The following BLM variants were observed in gnomAD, a reference collection of about 807,000 sequenced individuals.
BLM encodes the protein recQ-like DNA helicase BLM.
A neutral mutation model predicts 135.3 loss-of-function variants in BLM; 95 were observed. The ratio of observed to expected loss-of-function variants is 0.70; its 90% CI spans 0.59 to 0.83. The LOEUF (loss-of-function observed/expected upper bound fraction) is 0.83, where lower values mean the gene tolerates loss of function less well. BLM is among the 40% of genes least tolerant of loss of function. The pLI is 0.00. For missense variants in BLM, 1,518 were observed against 1,663.9 expected, an observed-to-expected ratio of 0.91 and a Z score of 1.53; for synonymous variants, 520 against 589.2, an observed-to-expected ratio of 0.88 and a Z score of 1.70.
chr15:90,803,580 C>T lies in BLM; in HGVS notation c.3418C>T (p.His1140Tyr), dbSNP rs746602812. ...TGGAAAAGGATCTGCTTATTCACGACACAATGCCGAAAGACTTTTTAAAAA... is the reference window on the plus strand; with the variant it reads ...TGGAAAAGGATCTGCTTATTCACGATACAATGCCGAAAGACTTTTTAAAAA... ...IFGKGSAYSR[H>Y]NAERLFKKLI... Residue 1140 changes from histidine (H) to tyrosine (Y), a missense_variant, in exon 18 of 22, where the codon CAC (histidine) becomes TAC (tyrosine). Physicochemically the swap from His to Tyr is moderately conservative, Grantham distance 83. Transcript: ENST00000355112. 4 of 1,613,944 alleles carry T rather than the reference C, an allele frequency of 2.5e-6. No individual in the cohort carries two copies. Among genetic ancestry groups the T allele is most frequent in the Admixed American group, 1.7e-5 (1 of 60,014 alleles).
At chr15:90,737,242 A>T (rs958939243) in intron 1 of BLM, among the ~76,000 whole-genome samples, 2 of 152,112 alleles carry the variant, frequency 1.3e-5, no homozygotes, top group African/African-American at 4.8e-5. Context: ...TTCAGATTGA[A>T]TAAATGAATA....
intron 15 of BLM, among the ~76,000 whole-genome samples, chr15:90,791,644 T>C (rs1036614977): frequency 1.4e-5 from 2 of 140,788 alleles, no homozygotes; most frequent in African/African-American, 6.0e-5. Flanking sequence ...TTATATAAGA[T>C]TTTTTTTTTT....
intron 5 of BLM, 143 bp from the exon 6 acceptor site, chr15:90,760,004 G>C: frequency 1.5e-6 from 1 of 682,042 alleles, no homozygotes; most frequent in Non-Finnish European, 2.5e-6. Flanking sequence ...TGCCCAGGCT[G>C]GTCTTGAACT....
chr15:90,742,209 A>G (rs1467925991), intron 1 of BLM, among the ~76,000 whole-genome samples: 2 of 152,164 alleles, frequency 1.3e-5, no homozygotes, highest in Admixed American at 6.5e-5. Context: ...AAAAAATACA[A>G]AAAGTAGATT....
chr15:90,737,699 T>C (rs191237792), intron 1 of BLM, among the ~76,000 whole-genome samples: 14 of 152,220 alleles, frequency 9.2e-5, no homozygotes, highest in Non-Finnish European at 1.5e-4. Flanking sequence ...AATTTATAGC[T>C]ACAAATGCTT....
At chr15:90,808,728 T>A (rs1897337707) in intron 19 of BLM, 1 of 309,608 alleles carries the variant, frequency 3.2e-6, no homozygotes, top group Non-Finnish European at 6.3e-6. Flanking sequence ...AAGTCTGGAG[T>A]GCAGAGAAGA....
intron 1 of BLM, among the ~76,000 whole-genome samples, chr15:90,743,086 C>T (rs1272587387): frequency 4.0e-5 from 6 of 151,326 alleles, no homozygotes; most frequent in African/African-American, 1.5e-4. Context: ...GCCTCGAACT[C>T]CTGGGCTCAA....
intron 15 of BLM, among the ~76,000 whole-genome samples, chr15:90,792,094 CTTTT>C (rs796474506): frequency 7.4e-6 from 1 of 134,510 alleles, no homozygotes. Flanking sequence ...TTTTTTTTTT[CTTTT>C]TTTTTTTTTT....
intron 14 of BLM, among the ~76,000 whole-genome samples, chr15:90,786,554 G>A (rs1896754004): frequency 6.6e-6 from 1 of 152,050 alleles, no homozygotes; most frequent in Non-Finnish European, 1.5e-5. Flanking sequence ...CTTTTTTAAT[G>A]TATTCATCCT....
intron 14 of BLM, among the ~76,000 whole-genome samples, chr15:90,789,987 G>GTTTTTTTTTTGTTTTTTTTTTTTTTTTT (rs1896857678): frequency 1.7e-5 from 1 of 57,358 alleles, no homozygotes; most frequent in African/African-American, 5.3e-5. Context: ...AGTCCCTGGT[G>GTTTTTTTTTTGTTTTTTTTTTTTTTTTT]TTTTTTTTTT....
At chr15:90,735,979 TAA>T (rs1444060354) in intron 1 of BLM, among the ~76,000 whole-genome samples, 1 of 152,230 alleles carries the variant, frequency 6.6e-6, no homozygotes, top group Admixed American at 6.5e-5. Flanking sequence ...TACAATTTTT[TAA>T]AAAGATTCAA....
At chr15:90,814,011 A>G (rs567409378) in intron 21 of BLM, among the ~76,000 whole-genome samples, 2 of 152,324 alleles carry the variant, frequency 1.3e-5, no homozygotes, top group South Asian at 4.1e-4. Flanking sequence ...AATCAACATA[A>G]ACAGCAGGTT....
intron 1 of BLM, among the ~76,000 whole-genome samples, chr15:90,737,727 T>A (rs1335593076): frequency 6.6e-6 from 1 of 151,620 alleles, no homozygotes; most frequent in African/African-American, 2.4e-5. Flanking sequence ...AAAAGAAAGA[T>A]CTGAAATCAA....
intron 1 of BLM, 32 bp from the exon 2 acceptor site, chr15:90,747,357 C>T: frequency 2.0e-6 from 3 of 1,491,260 alleles, no homozygotes; most frequent in South Asian, 2.3e-5. Context: ...AAGTACCTAA[C>T]TCCACTGATT....
At chr15:90,754,237 T>A (rs928563647) in intron 4 of BLM, among the ~76,000 whole-genome samples, 1 of 152,220 alleles carries the variant, frequency 6.6e-6, no homozygotes, top group African/African-American at 2.4e-5. Flanking sequence ...TGTAAAGTAT[T>A]TTTTCTATGT....
Position 90,763,017 on chromosome 15 carries a change from A to G in BLM, c.1934A>G (p.Gln645Arg), listed in dbSNP as rs377563699. The change falls in exon 8 of 22, where the codon CAA becomes CGA. Residue 645 changes from glutamine to arginine, a missense_variant. Physicochemically the swap from Gln to Arg is conservative, Grantham distance 43. This residue lies in a region of BLM where 724 missense variants were observed against 756.9 expected (regional missense o/e 0.96). Coordinates refer to ENST00000355112, the MANE Select transcript of BLM (RefSeq NM_000057.4). ...ASRNLKHERF[Q>R]SLSFPHTKEM... The stretch of plus-strand genomic sequence containing the variant: ...AGAAATCTGAAACATGAGCGTTTCC[A>G]AAGTCTTAGTTTTCCTCATACAAAG... 2.9e-5 allele frequency: 47 copies of G among 1,613,488 alleles called. No homozygotes were observed. The African/African-American group carries it at 4.4e-4, about 15-fold the overall frequency.
At position 90,809,780 on chromosome 15, in the gene BLM, G is replaced by A. The variant is rs76797520; in HGVS notation, c.3874+521G>A. ...GAGTGCATCATTATCAGACGTTCCC[G>A]GAGTCACGTTAGGCCTGTCCTGTGG... On this transcript the variant is annotated intron_variant, in intron 20 of 21. Coordinates refer to ENST00000355112, the MANE Select transcript of BLM (RefSeq NM_000057.4). Among the ~76,000 whole-genome samples the A allele has an allele frequency of 7.2e-3, 1,102 of 152,252 alleles. 14 individuals are homozygous for A. The highest frequency in any genetic ancestry group is 0.024 in the African/African-American group (988 of 41,522).
chr15:90,755,096 C>T (rs1895783927), intron 5 of BLM, 158 bp downstream of exon 5: 1 of 870,914 alleles, frequency 1.1e-6, no homozygotes, highest in Admixed American at 2.8e-5. Context: ...TACTGGTTAG[C>T]CAGCATTTGC....
intron 19 of BLM, among the ~76,000 whole-genome samples, chr15:90,805,852 C>T (rs1323259534): frequency 2.0e-5 from 3 of 151,830 alleles, no homozygotes; most frequent in East Asian, 2.0e-4. Flanking sequence ...ATTTCTAAAA[C>T]GAGACATTAC....
Sources: allele counts gnomAD v4.1 joint callset (sites outside exome capture counted in the v4.1 genomes callset), GRCh38; gene constraint gnomAD v4.1.1; regional missense constraint gnomAD v4.1.1; transcripts MANE v1.5; gene names NCBI Gene and HGNC (gene_info 2026-07-23, HGNC 2026-07-21).